Variants in SCN3B observed in about 807,000 individuals in gnomAD.
The protein encoded by SCN3B is sodium channel regulatory subunit beta-3.
A neutral mutation model predicts 25.4 loss-of-function variants in SCN3B; 11 were observed. That is an observed-to-expected ratio of 0.43 (90% CI 0.27 to 0.72). SCN3B has a LOEUF of 0.72. Ranked by LOEUF, SCN3B falls within the 30% of genes least tolerant of loss-of-function variation. The probability of loss-of-function intolerance (pLI) is 0.18; values close to 1 mark genes in which losing one functional copy is unlikely to be tolerated. For missense variants in SCN3B, 218 were observed against 278.3 expected, an observed-to-expected ratio of 0.78 and a Z score of 1.54; for synonymous variants, 109 against 110.7, an observed-to-expected ratio of 0.99 and a Z score of 0.09.
At chr11:123,654,016 C>G in intron 1 of SCN3B, 190 bp from the exon 2 acceptor site, 2 of 599,910 alleles carry the variant, frequency 3.3e-6, no homozygotes, top group Non-Finnish European at 5.9e-6. Context: ...CCCACTGGAC[C>G]TCCCCAGTTC....
At chr11:123,644,800 A>ATATATATAT (rs1272015067) in intron 3 of SCN3B, among the ~76,000 whole-genome samples, 1 of 45,578 alleles carries the variant, frequency 2.2e-5, no homozygotes, top group African/African-American at 7.8e-5. Flanking sequence ...AGAGAGAGAG[A>ATATATATAT]ATATATATAT....
intron 2 of SCN3B, among the ~76,000 whole-genome samples, chr11:123,646,066 G>C (rs1385383762): frequency 6.6e-6 from 1 of 152,076 alleles, no homozygotes; most frequent in Non-Finnish European, 1.5e-5. Context: ...GCCCAAATGG[G>C]AGACAGGGCA....
At chr11:123,635,285 C>G (rs1955711594) in intron 5 of SCN3B, among the ~76,000 whole-genome samples, 1 of 152,148 alleles carries the variant, frequency 6.6e-6, no homozygotes, top group African/African-American at 2.4e-5. Flanking sequence ...TCTCACATAT[C>G]AGGTTTTCCT....
intron 4 of SCN3B, 80 bp from the exon 5 acceptor site, chr11:123,638,404 A>G: frequency 6.4e-7 from 1 of 1,561,766 alleles, no homozygotes; most frequent in East Asian, 2.2e-5. Flanking sequence ...TTTTAAGTAC[A>G]GCTTAAATAA....
intron 2 of SCN3B, among the ~76,000 whole-genome samples, chr11:123,650,754 G>A (rs761662205): frequency 2.0e-5 from 3 of 152,104 alleles, no homozygotes; most frequent in African/African-American, 7.2e-5. Context: ...CAGAAAACAA[G>A]GGTTCTCTAG....
At chr11:123,645,516 G>T in intron 3 of SCN3B, 71 bp downstream of exon 3, 2 of 1,513,002 alleles carry the variant, frequency 1.3e-6, no homozygotes, top group Non-Finnish European at 1.8e-6. Flanking sequence ...GCATCCCCCG[G>T]ACTGTCAGGA....
At position 123,649,677 on chromosome 11, in the gene SCN3B, C is replaced by T. The variant is rs537379347; in HGVS notation, c.56-3927G>A. Among the ~76,000 whole-genome samples, 354 of 91,868 alleles carry T rather than the reference C, an allele frequency of 3.9e-3. 4 individuals carry two copies. The highest frequency in any genetic ancestry group is 0.021 in the South Asian group (74 of 3,454). 60.3% of individuals were successfully genotyped at this position (91,868 alleles called of 152,430 possible). ...TTCTCTTTCTTTCTTTCTTTTTTTC[C>T]TCTCTCTCTCTCTGTCTCTGTCTCT... On this transcript the variant is annotated intron_variant, in intron 2 of 6. Coordinates refer to ENST00000299333, the MANE Select transcript of SCN3B (RefSeq NM_001040151.2).
intron 2 of SCN3B, among the ~76,000 whole-genome samples, chr11:123,650,983 G>A (rs1591350775): frequency 6.6e-6 from 1 of 152,244 alleles, no homozygotes; most frequent in South Asian, 2.1e-4. Context: ...AGCATTATGG[G>A]AGGCTGAAGC....
chr11:123,640,966 G>A (rs1419076899), intron 4 of SCN3B: 2 of 152,218 alleles, frequency 1.3e-5, no homozygotes, highest in Admixed American at 1.3e-4. Context: ...TTTTACCCGA[G>A]GCTTGCTCTG....
intron 2 of SCN3B, among the ~76,000 whole-genome samples, chr11:123,652,866 A>G (rs777325536): frequency 1.1e-4 from 17 of 152,222 alleles, no homozygotes; most frequent in Non-Finnish European, 2.1e-4. Flanking sequence ...AGACACTGAA[A>G]TATATTTACA....
intron 4 of SCN3B, 173 bp from the exon 5 acceptor site, chr11:123,638,497 C>A (rs72552162): frequency 3.6e-6 from 3 of 835,112 alleles, no homozygotes; most frequent in Non-Finnish European, 5.7e-6. Flanking sequence ...CACTGACTGT[C>A]ATCAGCTGCT....
intron 2 of SCN3B, among the ~76,000 whole-genome samples, chr11:123,649,897 T>C (rs1191670189): frequency 6.6e-6 from 1 of 152,038 alleles, no homozygotes; most frequent in Non-Finnish European, 1.5e-5. Context: ...AAAGACAGGG[T>C]TTCACTATGT....
At position 123,630,293 on chromosome 11, in the gene SCN3B, C is replaced by G. The variant is rs567925139; in HGVS notation, c.*3506G>C. 6.5e-6 allele frequency: 1 copy of G among 152,762 alleles called. No individual in the cohort carries two copies. Among genetic ancestry groups the G allele is most frequent in the Non-Finnish European group, 1.5e-5 (1 of 68,068 alleles). The allele number at this position is 152,762 out of a possible 1,614,324, so 9.5% of individuals were successfully genotyped here. On this transcript the variant is annotated 3_prime_UTR_variant, in exon 7 of 7. Coordinates refer to ENST00000299333, the MANE Select transcript of SCN3B (RefSeq NM_001040151.2). ...GAGGTGACAGTGAAGGTCAGCAGGG[C>G]AAGGTGCTCTCAGGGCCAACTGGAT...
At chr11:123,653,977 C>G (rs537572809) in intron 1 of SCN3B, 151 bp from the exon 2 acceptor site, 1 of 714,512 alleles carries the variant, frequency 1.4e-6, no homozygotes, top group Admixed American at 2.3e-5. Flanking sequence ...GCTTTTGGAG[C>G]CGGGTGGGGG....
intron 2 of SCN3B, among the ~76,000 whole-genome samples, chr11:123,647,761 T>C (rs1955870565): frequency 2.0e-5 from 3 of 152,216 alleles, no homozygotes; most frequent in Admixed American, 2.0e-4. Flanking sequence ...TTTGATTGAC[T>C]TAGAAGGCAA....
intron 4 of SCN3B, chr11:123,638,970 G>A (rs1223442637): frequency 6.1e-6 from 1 of 163,436 alleles, no homozygotes; most frequent in African/African-American, 2.4e-5. Context: ...GGAGGATTTA[G>A]TGTATCAACC....
At chr11:123,645,807 GGAGA>G in intron 2 of SCN3B, 57 bp from the exon 3 acceptor site, 1 of 1,577,496 alleles carries the variant, frequency 6.3e-7, no homozygotes, top group Non-Finnish European at 8.7e-7. Flanking sequence ...GAGGGGCACA[GGAGA>G]GAAACATTGG....
intron 2 of SCN3B, among the ~76,000 whole-genome samples, chr11:123,653,325 G>T (rs970242254): frequency 6.9e-5 from 10 of 145,392 alleles, no homozygotes; most frequent in Non-Finnish European, 7.5e-5. Flanking sequence ...AGCTTTTATG[G>T]TTTTTTTTTT....
At position 123,642,715 on chromosome 11, in the gene SCN3B, T is replaced by C; in HGVS notation, c.220-44A>G. ...AAGAGGGTAGGGCCAGGAAAGGAGA[T>C]GGCAGTGGGGGGAAGCCGAGTTAGG... On this transcript the variant is annotated intron_variant, in intron 3 of 6. Transcript: ENST00000299333. The surrounding 1 kb of genome is among the most constrained non-coding windows in gnomAD (Gnocchi z 4.3). 1 of 1,510,308 alleles carries C rather than the reference T, an allele frequency of 6.6e-7. No homozygotes were observed. The highest frequency in any genetic ancestry group is 1.7e-4 in the Middle Eastern group (1 of 5,878). 93.6% of individuals were successfully genotyped at this position (1,510,308 alleles called of 1,614,324 possible).
Sources: allele counts gnomAD v4.1 joint callset (sites outside exome capture counted in the v4.1 genomes callset), GRCh38; gene constraint gnomAD v4.1.1; non-coding constraint Gnocchi (gnomAD v3.1); transcripts MANE v1.5; gene names NCBI Gene and HGNC (gene_info 2026-07-23, HGNC 2026-07-21).